Variants in NT5DC3 observed in about 807,000 individuals in gnomAD.
NT5DC3 encodes the protein 5'-nucleotidase domain containing 3.
NT5DC3 carries 42 observed loss-of-function variants against 67.8 expected under a neutral mutation model. The ratio of observed to expected loss-of-function variants is 0.62; its 90% CI spans 0.48 to 0.80. The LOEUF (loss-of-function observed/expected upper bound fraction) is 0.80, where lower values mean the gene tolerates loss of function less well. NT5DC3 is among the 30% of genes least tolerant of loss of function. The pLI, the probability that NT5DC3 is intolerant of heterozygous loss-of-function variation, is 0.00. For synonymous variants in NT5DC3, 237 were observed against 255.6 expected (o/e 0.93, Z 0.69); for missense variants, 570 against 696.4 (o/e 0.82, Z 2.04).
intron 6 of NT5DC3, 54 bp downstream of exon 6, chr12:103,796,840 C>T: frequency 6.2e-7 from 1 of 1,600,312 alleles, no homozygotes; most frequent in Non-Finnish European, 8.6e-7. Flanking sequence ...CTGTGACTCC[C>T]ACTGAAAAGG....
intron 2 of NT5DC3, among the ~76,000 whole-genome samples, chr12:103,810,089 GA>G (rs1886965811): frequency 6.6e-6 from 1 of 152,238 alleles, no homozygotes; most frequent in Non-Finnish European, 1.5e-5. Flanking sequence ...CAATAAAATT[GA>G]GTGGCTTCGC....
intron 1 of NT5DC3, among the ~76,000 whole-genome samples, chr12:103,838,681 T>A (rs1289898459): frequency 2.0e-5 from 3 of 152,242 alleles, no homozygotes; most frequent in Non-Finnish European, 2.9e-5. Flanking sequence ...AACCCAAATG[T>A]CCTTTGAACT....
chr12:103,821,141 C>T (rs962866337), intron 1 of NT5DC3, among the ~76,000 whole-genome samples: 2 of 152,234 alleles, frequency 1.3e-5, no homozygotes, highest in African/African-American at 4.8e-5. Context: ...GAAGTGGAGG[C>T]TGGAAGGCTA....
At chr12:103,796,451 G>A (rs527930151) in intron 6 of NT5DC3, among the ~76,000 whole-genome samples, 17 of 152,184 alleles carry the variant, frequency 1.1e-4, no homozygotes, top group Admixed American at 2.0e-4. Flanking sequence ...CGGGAGGCCC[G>A]GGAGGCAGAG....
At chr12:103,750,402 T>C in the NT5DC3 span, among the ~76,000 whole-genome samples, 2 of 152,154 alleles carry the variant, frequency 1.3e-5, no homozygotes, top group African/African-American at 4.8e-5. Context: ...AGGATGAGGT[T>C]TCATCATAAG....
rs1483214187 is a variant in NT5DC3, at chr12:103,772,344, AG to A, written c.*5484del. ...AACTTTTATTTGGCAATAAGTTCAG[AG>A]TCACATAACACATAAAATCAACATT... On this transcript the variant is annotated 3_prime_UTR_variant, in exon 14 of 14. Coordinates refer to ENST00000392876, the MANE Select transcript of NT5DC3 (RefSeq NM_001031701.3). The A allele has an allele frequency of 6.6e-6, 1 of 152,576 alleles. No homozygotes were observed. The highest frequency in any genetic ancestry group is 2.4e-5 in the African/African-American group (1 of 41,462). The allele number at this position is 152,576 out of a possible 1,614,324, so 9.5% of individuals were successfully genotyped here. A position where few individuals can be genotyped will look rare whatever the true frequency, so the allele number is the denominator to read the frequency against.
At chr12:103,812,620 G>A (rs997563615) in intron 2 of NT5DC3, among the ~76,000 whole-genome samples, 3 of 152,102 alleles carry the variant, frequency 2.0e-5, no homozygotes, top group African/African-American at 7.2e-5. Flanking sequence ...GGATGGAAAG[G>A]TGTTAGTAAC....
At chr12:103,760,258 G>A in the NT5DC3 span, among the ~76,000 whole-genome samples, 1 of 152,050 alleles carries the variant, frequency 6.6e-6, no homozygotes, top group African/African-American at 2.4e-5. Context: ...GGTGTGTGGG[G>A]GGTGGTTTTT....
rs201830577 is a variant in NT5DC3 at position 103,826,080 on chromosome 12, CCTAA to C, written c.209-10963_209-10960del. Among the ~76,000 whole-genome samples the C allele has an allele frequency of 4.2e-3, 639 of 152,310 alleles. 3 individuals carry two copies. The highest frequency in any genetic ancestry group is 0.012 in the South Asian group (59 of 4,826). On this transcript the variant is annotated intron_variant, in intron 1 of 13. Transcript: ENST00000392876. ...AGTGCTTGGCTCAAAGTAGGTGCTTCCTAACTGTCAGTCCCTTCTTTTTTCTATT... is the reference window on the plus strand; with the variant it reads ...AGTGCTTGGCTCAAAGTAGGTGCTTCCTGTCAGTCCCTTCTTTTTTCTATT...
chr12:103,763,424 T>C, the NT5DC3 span: 5 of 1,452,472 alleles, frequency 3.4e-6, no homozygotes, highest in African/African-American at 7.0e-5. Context: ...TTGCTTTACC[T>C]GCCAACTTGG....
chr12:103,786,637 AG>A (rs1387807285), intron 11 of NT5DC3, among the ~76,000 whole-genome samples: 4 of 151,706 alleles, frequency 2.6e-5, no homozygotes, highest in Admixed American at 6.6e-5. Context: ...GTCCTATGCA[AG>A]AGTCTAAGAG....
chr12:103,768,853 C>G (rs766375239), downstream of NT5DC3: 1 of 151,900 alleles, frequency 6.6e-6, no homozygotes, highest in Non-Finnish European at 1.5e-5. Context: ...TTAGCTTAGA[C>G]AGCACGGCAG....
the NT5DC3 span, among the ~76,000 whole-genome samples, chr12:103,750,322 G>A: frequency 6.6e-6 from 1 of 152,194 alleles, no homozygotes; most frequent in South Asian, 2.1e-4. Context: ...AGAAGGGAAT[G>A]GAAAAGCTAC....
the NT5DC3 span, chr12:103,750,795 A>G: frequency 6.7e-7 from 1 of 1,501,090 alleles, no homozygotes; most frequent in East Asian, 2.4e-5. Flanking sequence ...AAGGGAAAGA[A>G]GAAAAACAAA....
chr12:103,796,867 A>C (rs1164518686), intron 6 of NT5DC3, 27 bp downstream of exon 6: 2 of 1,613,564 alleles, frequency 1.2e-6, no homozygotes, highest in Admixed American at 3.3e-5. Context: ...CAGACTCAGC[A>C]CTGTAATCTC....
intron 2 of NT5DC3, among the ~76,000 whole-genome samples, chr12:103,808,859 TGA>T (rs1886911582): frequency 6.6e-6 from 1 of 152,248 alleles, no homozygotes; most frequent in African/African-American, 2.4e-5. Flanking sequence ...AATATGTCAC[TGA>T]GAGCGGTGCC....
chr12:103,807,127 C>G (rs2139393447), intron 2 of NT5DC3, among the ~76,000 whole-genome samples, 198 bp from the exon 3 acceptor site: 1 of 152,330 alleles, frequency 6.6e-6, no homozygotes, highest in East Asian at 1.9e-4. Flanking sequence ...AGCCTTCCAT[C>G]CTGCCCTGTA....
the NT5DC3 span, among the ~76,000 whole-genome samples, chr12:103,758,738 CTG>C: frequency 3.1e-4 from 47 of 152,362 alleles, no homozygotes; most frequent in East Asian, 4.8e-3. Context: ...CTGATGCAAT[CTG>C]TGTTCCACAC....
At chr12:103,750,443 C>A in the NT5DC3 span, 1 of 1,053,012 alleles carries the variant, frequency 9.5e-7, no homozygotes, top group Non-Finnish European at 1.4e-6. Flanking sequence ...AGCAGTTATT[C>A]CCACTGGACA....
Sources: gnomAD v4.1 joint callset for allele counts (sites outside exome capture counted in the v4.1 genomes callset) on GRCh38, gnomAD v4.1.1 for gene constraint, MANE v1.5 for transcripts, NCBI Gene and HGNC (gene_info 2026-07-23, HGNC 2026-07-21) for gene names.